Variants in SRRM4 observed in about 807,000 individuals in gnomAD.
SRRM4 encodes serine/arginine repetitive matrix protein 4.
A neutral mutation model predicts 68.9 loss-of-function variants in SRRM4; 33 were observed. The ratio of observed to expected loss-of-function variants is 0.48; its 90% CI spans 0.36 to 0.64. The LOEUF (loss-of-function observed/expected upper bound fraction) is 0.64, where lower values mean the gene tolerates loss of function less well. Ranked by LOEUF, SRRM4 falls within the 30% of genes least tolerant of loss-of-function variation. The pLI, the probability that SRRM4 is intolerant of heterozygous loss-of-function variation, is 0.00. For missense variants in SRRM4, 817 were observed against 827.1 expected, an observed-to-expected ratio of 0.99 and a Z score of 0.15; for synonymous variants, 318 against 318.8, an observed-to-expected ratio of 1.00 and a Z score of 0.03.
At chr12:119,044,658 G>A (rs769256369) in intron 1 of SRRM4, among the ~76,000 whole-genome samples, 1 of 152,126 alleles carries the variant, frequency 6.6e-6, no homozygotes, top group Admixed American at 6.5e-5. Flanking sequence ...TGCAAAATGT[G>A]GATTGAGACA....
chr12:119,114,500 A>G, intron 3 of SRRM4, 136 bp downstream of exon 3: 1 of 656,598 alleles, frequency 1.5e-6, no homozygotes, highest in East Asian at 2.8e-5. Context: ...ACCTTGGGCA[A>G]GTCACTTTAC....
intron 1 of SRRM4, among the ~76,000 whole-genome samples, chr12:119,016,625 G>A (rs551003129): frequency 6.6e-6 from 1 of 152,264 alleles, no homozygotes; most frequent in East Asian, 1.9e-4. Context: ...CCTGGGAAAG[G>A]TTAGACCTTG....
At chr12:119,088,237 A>C (rs1953991455) in intron 1 of SRRM4, among the ~76,000 whole-genome samples, 1 of 152,174 alleles carries the variant, frequency 6.6e-6, no homozygotes, top group South Asian at 2.1e-4. Flanking sequence ...TTCCATCCAG[A>C]GAAGAATCTG....
At chr12:119,043,066 A>G (rs977331315) in intron 1 of SRRM4, among the ~76,000 whole-genome samples, 10 of 152,202 alleles carry the variant, frequency 6.6e-5, no homozygotes, top group African/African-American at 2.4e-4. Context: ...AATATAAATC[A>G]TTCTATTATA....
chr12:119,045,478 TC>T (rs1953700657), intron 1 of SRRM4, among the ~76,000 whole-genome samples: 1 of 28,854 alleles, frequency 3.5e-5, no homozygotes, highest in Non-Finnish European at 7.6e-5. Context: ...CTTCCCCCAC[TC>T]CCCCGCTCCC....
chr12:119,087,191 A>G (rs1327526062), intron 1 of SRRM4, among the ~76,000 whole-genome samples: 1 of 152,244 alleles, frequency 6.6e-6, no homozygotes, highest in Non-Finnish European at 1.5e-5. Flanking sequence ...CCAGCCTCTA[A>G]TAATTGCCAT....
intron 1 of SRRM4, among the ~76,000 whole-genome samples, chr12:119,096,705 C>T (rs979517024): frequency 2.6e-5 from 4 of 152,192 alleles, no homozygotes; most frequent in African/African-American, 9.6e-5. Flanking sequence ...GGGGTTCTTC[C>T]CGCTCCACCA....
intron 1 of SRRM4, among the ~76,000 whole-genome samples, chr12:118,983,705 T>C (rs911981290): frequency 1.3e-5 from 2 of 152,166 alleles, no homozygotes; most frequent in Non-Finnish European, 2.9e-5. Flanking sequence ...TGGTGGTGTT[T>C]TGATTCAGGA....
At chr12:119,024,170 A>T (rs533418080) in intron 1 of SRRM4, among the ~76,000 whole-genome samples, 1 of 152,254 alleles carries the variant, frequency 6.6e-6, no homozygotes, top group Admixed American at 6.5e-5. Context: ...CTGGCCCATC[A>T]TGGGGGCTCA....
intron 1 of SRRM4, among the ~76,000 whole-genome samples, chr12:119,065,476 C>T (rs1207349245): frequency 6.6e-6 from 1 of 152,138 alleles, no homozygotes; most frequent in Non-Finnish European, 1.5e-5. Flanking sequence ...GTGGTTCATG[C>T]TTGTAATCCC....
chr12:119,016,335 TC>T (rs1412633454), intron 1 of SRRM4, among the ~76,000 whole-genome samples: 4 of 150,806 alleles, frequency 2.7e-5, no homozygotes, highest in Middle Eastern at 3.2e-3. Context: ...ATGAACACAA[TC>T]CCCCCAGCCC....
chr12:119,123,569 G>C (rs1954237389), intron 6 of SRRM4, among the ~76,000 whole-genome samples: 1 of 152,114 alleles, frequency 6.6e-6, no homozygotes. Flanking sequence ...CCGCTGGCAA[G>C]AGCTGGATGA....
chr12:119,124,550 T>C (rs544110182), intron 6 of SRRM4, among the ~76,000 whole-genome samples: 2 of 152,336 alleles, frequency 1.3e-5, no homozygotes, highest in South Asian at 2.1e-4. Flanking sequence ...ACATCCTTTA[T>C]ATATCTTCAA....
At chr12:119,054,039 C>G (rs1953761774) in intron 1 of SRRM4, among the ~76,000 whole-genome samples, 1 of 152,208 alleles carries the variant, frequency 6.6e-6, no homozygotes, top group African/African-American at 2.4e-5. Flanking sequence ...AACCTCCCCA[C>G]TACCTTTCCC....
At chr12:119,155,936 GT>G (rs1452290169) in intron 12 of SRRM4, among the ~76,000 whole-genome samples, 2 of 152,150 alleles carry the variant, frequency 1.3e-5, no homozygotes, top group African/African-American at 4.8e-5. Flanking sequence ...TGGCTGTCTA[GT>G]TTCTTTAGTC....
intron 1 of SRRM4, among the ~76,000 whole-genome samples, chr12:119,085,876 G>C (rs1953976962): frequency 6.6e-6 from 1 of 152,080 alleles, no homozygotes; most frequent in Non-Finnish European, 1.5e-5. Context: ...GGAGGGTGGT[G>C]GCCAGGCTGC....
intron 1 of SRRM4, among the ~76,000 whole-genome samples, chr12:119,050,062 T>G (rs1953732765): frequency 6.6e-6 from 1 of 152,208 alleles, no homozygotes; most frequent in African/African-American, 2.4e-5. Flanking sequence ...GTCATTATTG[T>G]CTTTATGCTT....
At chr12:119,010,328 CAGGCATGAGCCA>C (rs1953441528) in intron 1 of SRRM4, among the ~76,000 whole-genome samples, 1 of 152,218 alleles carries the variant, frequency 6.6e-6, no homozygotes, top group Non-Finnish European at 1.5e-5. Context: ...GCTGGGAGTA[CAGGCATGAGCCA>C]CTGTGCCCAG....
At chr12:119,117,254 AGGCCTGAGCAAGG>A (rs1370569659) in intron 4 of SRRM4, among the ~76,000 whole-genome samples, 1 of 152,212 alleles carries the variant, frequency 6.6e-6, no homozygotes, top group African/African-American at 2.4e-5. Flanking sequence ...GGGACCAGCC[AGGCCTGAGCAAGG>A]GGCTAGAACA....
Sources: allele counts gnomAD v4.1 joint callset (sites outside exome capture counted in the v4.1 genomes callset), GRCh38; gene constraint gnomAD v4.1.1; transcripts MANE v1.5; gene names NCBI Gene and HGNC (gene_info 2026-07-23, HGNC 2026-07-21).